TMC2: variants seen among roughly 807,000 people sequenced by gnomAD.
TMC2 encodes the protein transmembrane channel like 2.
Under a neutral mutation model 105.9 loss-of-function variants are expected in TMC2, and 102 were observed. The observed-to-expected ratio is 0.96, with a 90% confidence interval of 0.82 to 1.14. The LOEUF (loss-of-function observed/expected upper bound fraction) is 1.14, where lower values mean the gene tolerates loss of function less well. Ranked by LOEUF, TMC2 falls within the 50% of genes most tolerant of loss-of-function variation. The probability of loss-of-function intolerance (pLI) is 0.00; values close to 1 mark genes in which losing one functional copy is unlikely to be tolerated. For missense variants in TMC2, 1,093 were observed against 1,134.3 expected (o/e 0.96, Z 0.52); for synonymous variants, 402 against 422.8 (o/e 0.95, Z 0.60).
chr20:2,580,332 C>T (rs1257415674), intron 7 of TMC2, among the ~76,000 whole-genome samples: 2 of 152,174 alleles, frequency 1.3e-5, no homozygotes, highest in African/African-American at 4.8e-5. Context: ...ACCTAATGTA[C>T]TCACATCAAT....
chr20:2,639,185 G>A (rs1249485004), intron 19 of TMC2, among the ~76,000 whole-genome samples: 1 of 152,094 alleles, frequency 6.6e-6, no homozygotes, highest in African/African-American at 2.4e-5. Context: ...CTGAGCCACC[G>A]CGTCCGGCCT....
chr20:2,554,153 G>C (rs1286031360), intron 2 of TMC2, among the ~76,000 whole-genome samples: 2 of 152,122 alleles, frequency 1.3e-5, no homozygotes, highest in African/African-American at 4.8e-5. Flanking sequence ...CTCCCAAAGT[G>C]CTGGGATTAC....
intron 16 of TMC2, among the ~76,000 whole-genome samples, chr20:2,621,355 C>T (rs2086523547): frequency 7.2e-6 from 1 of 138,824 alleles, no homozygotes. Context: ...GGGTGAGACT[C>T]CATCTCAACA....
intron 4 of TMC2, among the ~76,000 whole-genome samples, chr20:2,569,044 G>A (rs188241344): frequency 1.1e-4 from 16 of 152,218 alleles, no homozygotes; most frequent in Admixed American, 2.0e-4. Flanking sequence ...GCCCTAAGAC[G>A]GACTTCATTC....
intron 2 of TMC2, among the ~76,000 whole-genome samples, chr20:2,544,441 A>G (rs989487156): frequency 9.9e-5 from 15 of 152,182 alleles, no homozygotes; most frequent in African/African-American, 2.7e-4. Context: ...TCTAGAGTCC[A>G]TGTAACCAAA....
chr20:2,579,423 TA>T (rs1397669489), intron 6 of TMC2, among the ~76,000 whole-genome samples, 196 bp downstream of exon 6: 15 of 150,676 alleles, frequency 1.0e-4, no homozygotes, highest in African/African-American at 3.6e-4. Flanking sequence ...TTTATTTATT[TA>T]TTTTTATTTA....
intron 4 of TMC2, among the ~76,000 whole-genome samples, chr20:2,563,360 T>A (rs1170872353): frequency 6.6e-6 from 1 of 152,192 alleles, no homozygotes; most frequent in African/African-American, 2.4e-5. Flanking sequence ...TCGTAGTGCC[T>A]CCAGGCCTAT....
chr20:2,617,023 G>C (rs766359146), intron 15 of TMC2, 49 bp from the exon 16 acceptor site: 1 of 1,610,618 alleles, frequency 6.2e-7, no homozygotes, highest in Non-Finnish European at 8.5e-7. Context: ...CCCTTCCCTC[G>C]CCTTCCCTGC....
At chr20:2,543,065 T>C (rs185670669) in intron 2 of TMC2, among the ~76,000 whole-genome samples, 96 of 151,982 alleles carry the variant, frequency 6.3e-4, no homozygotes, top group Non-Finnish European at 9.3e-4. Flanking sequence ...GGTGAAACCC[T>C]GTCTCTACTA....
chr20:2,641,667 G>A lies in TMC2; in HGVS notation c.*316G>A. 1.3e-5 allele frequency: 4 copies of A among 307,748 alleles called. No individual in the cohort carries two copies. The highest frequency in any genetic ancestry group is 2.5e-5 in the Non-Finnish European group (4 of 161,618). The allele number at this position is 307,748 out of a possible 1,614,324, so 19.1% of individuals were successfully genotyped here. On this transcript the variant is annotated 3_prime_UTR_variant, in exon 20 of 20. Transcript: ENST00000358864. ...TCCCGATTTTCGGAGTTGGGGAAGG[G>A]CCATGACCACCCTCGTAGACTTTTT... is the stretch of plus-strand genomic sequence containing the variant.
chr20:2,592,260 G>T lies in TMC2; in HGVS notation c.835-50G>T. On this transcript the variant is annotated intron_variant, in intron 7 of 19. Coordinates refer to ENST00000358864, the MANE Select transcript of TMC2 (RefSeq NM_080751.3). The surrounding 1 kb of genome is among the most constrained non-coding windows in gnomAD (Gnocchi z 4.9). ...TACCCCAGTATATGAATGTCTCTGTGTGTTTGTATTTCCTCCACTCATACT... is the reference window on the plus strand; with the variant it reads ...TACCCCAGTATATGAATGTCTCTGTTTGTTTGTATTTCCTCCACTCATACT... 8.3e-7 allele frequency: 1 copy of T among 1,201,492 alleles called. No homozygotes were observed. The highest frequency in any genetic ancestry group is 1.2e-6 in the Non-Finnish European group (1 of 806,122). The allele number at this position is 1,201,492 out of a possible 1,614,324, so 74.4% of individuals were successfully genotyped here.
chr20:2,593,965 A>G (rs914979422), intron 8 of TMC2, among the ~76,000 whole-genome samples: 2 of 152,144 alleles, frequency 1.3e-5, no homozygotes, highest in African/African-American at 4.8e-5. Context: ...TGCACGCATC[A>G]CACACTGTCA....
intron 10 of TMC2, 78 bp from the exon 11 acceptor site, chr20:2,602,035 T>A (rs569139289): frequency 1.0e-6 from 1 of 976,298 alleles, no homozygotes; most frequent in East Asian, 2.5e-5. Context: ...TAGAAAGTAC[T>A]ATTTTCAGGG....
At chr20:2,627,901 C>T (rs2086575254) in intron 17 of TMC2, among the ~76,000 whole-genome samples, 1 of 152,194 alleles carries the variant, frequency 6.6e-6, no homozygotes, top group Admixed American at 6.5e-5. Flanking sequence ...AGCATGGTGG[C>T]TCACACCTGT....
chr20:2,604,192 G>C (rs1006013507), intron 11 of TMC2, among the ~76,000 whole-genome samples: 4 of 152,208 alleles, frequency 2.6e-5, no homozygotes, highest in Non-Finnish European at 5.9e-5. Flanking sequence ...GTTCCCATGG[G>C]CAGAGCCTCC....
intron 10 of TMC2, among the ~76,000 whole-genome samples, chr20:2,599,520 T>C (rs2146219195): frequency 6.7e-6 from 1 of 150,330 alleles, no homozygotes; most frequent in Middle Eastern, 3.4e-3. Flanking sequence ...AGTTCTTCGT[T>C]TTTTTTTTCT....
chr20:2,543,106 A>G (rs949434325), intron 2 of TMC2, among the ~76,000 whole-genome samples: 9 of 151,876 alleles, frequency 5.9e-5, no homozygotes, highest in East Asian at 2.0e-4. Context: ...GCAAGGTGGC[A>G]TACACCTGTA....
intron 9 of TMC2, among the ~76,000 whole-genome samples, chr20:2,595,786 G>A (rs1453607190): frequency 1.3e-5 from 2 of 152,138 alleles, no homozygotes; most frequent in Admixed American, 1.3e-4. Flanking sequence ...GTCTCCAGGA[G>A]AGGAGTGGAG....
intron 4 of TMC2, among the ~76,000 whole-genome samples, chr20:2,566,457 G>A (rs1001077717): frequency 6.6e-6 from 1 of 152,196 alleles, no homozygotes; most frequent in African/African-American, 2.4e-5. Flanking sequence ...TGGCATAACA[G>A]CTTCTAGTGC....
Sources: allele counts gnomAD v4.1 joint callset (sites outside exome capture counted in the v4.1 genomes callset), GRCh38; gene constraint gnomAD v4.1.1; non-coding constraint Gnocchi (gnomAD v3.1); transcripts MANE v1.5; gene names NCBI Gene and HGNC (gene_info 2026-07-23, HGNC 2026-07-21).